Variants in STXBP6 observed in about 807,000 individuals in gnomAD.
The protein encoded by STXBP6 is syntaxin binding protein 6, also known as syntaxin-binding protein 6.
STXBP6 carries 21 observed loss-of-function variants against 26.9 expected under a neutral mutation model. That is an observed-to-expected ratio of 0.78 (90% confidence interval 0.55 to 1.12). The LOEUF (loss-of-function observed/expected upper bound fraction) is 1.12, where lower values mean the gene tolerates loss of function less well. STXBP6 is among the 50% of genes most tolerant of loss of function. STXBP6 has a pLI of 0.00. For synonymous variants in STXBP6, 97 were observed against 92.6 expected (o/e 1.05, Z -0.27); for missense variants, 232 against 257.9 (o/e 0.90, Z 0.69).
chr14:24,909,358 A>T (rs1033284937), intron 2 of STXBP6, among the ~76,000 whole-genome samples: 1 of 152,188 alleles, frequency 6.6e-6, no homozygotes, highest in Non-Finnish European at 1.5e-5. Context: ...TCTCACAACA[A>T]CCTAGATATT....
At chr14:24,841,107 T>C (rs929614719) in intron 4 of STXBP6, among the ~76,000 whole-genome samples, 2 of 152,222 alleles carry the variant, frequency 1.3e-5, no homozygotes, top group African/African-American at 4.8e-5. Context: ...GTGCTTCATG[T>C]TGAAGCACAT....
intron 5 of STXBP6, among the ~76,000 whole-genome samples, chr14:24,814,163 C>T (rs2067902923): frequency 1.3e-5 from 2 of 152,216 alleles, no homozygotes; most frequent in Admixed American, 1.3e-4. Context: ...GGGTTCTTGC[C>T]AAGAAGGGTA....
intron 2 of STXBP6, among the ~76,000 whole-genome samples, chr14:24,900,445 A>G (rs1036823931): frequency 6.6e-6 from 1 of 152,234 alleles, no homozygotes. Flanking sequence ...ACAGCAAGAA[A>G]GAAGCTCTGC....
intron 1 of STXBP6, among the ~76,000 whole-genome samples, chr14:24,984,382 C>T (rs1389087152): frequency 6.6e-6 from 1 of 152,190 alleles, no homozygotes; most frequent in Admixed American, 6.5e-5. Flanking sequence ...CAGTGTTATA[C>T]TCCAACATGA....
At chr14:24,953,153 C>G (rs768683424) in intron 2 of STXBP6, among the ~76,000 whole-genome samples, 2 of 152,144 alleles carry the variant, frequency 1.3e-5, no homozygotes, top group Non-Finnish European at 2.9e-5. Context: ...ATGGCGACAT[C>G]ACCCCAATCT....
At chr14:25,014,257 G>A (rs1013453932) in intron 1 of STXBP6, among the ~76,000 whole-genome samples, 5 of 152,144 alleles carry the variant, frequency 3.3e-5, no homozygotes, top group African/African-American at 1.2e-4. Context: ...CACTTTGAGA[G>A]GCCGAGGCAG....
At chr14:24,874,408 AAG>A (rs944875058) in intron 2 of STXBP6, among the ~76,000 whole-genome samples, 7 of 152,070 alleles carry the variant, frequency 4.6e-5, no homozygotes, top group African/African-American at 1.7e-4. Context: ...GTATGTTCAG[AAG>A]AGTGTGGAAA....
chr14:25,009,812 G>T (rs575343149), intron 1 of STXBP6, among the ~76,000 whole-genome samples: 3 of 152,246 alleles, frequency 2.0e-5, no homozygotes, highest in East Asian at 3.9e-4. Flanking sequence ...TCAGCAATAT[G>T]ACTGCCACTG....
At chr14:24,871,727 A>G (rs2069943187) in intron 2 of STXBP6, among the ~76,000 whole-genome samples, 1 of 152,216 alleles carries the variant, frequency 6.6e-6, no homozygotes, top group African/African-American at 2.4e-5. Context: ...ATAAGAATGG[A>G]GCACATTTTC....
intron 2 of STXBP6, among the ~76,000 whole-genome samples, chr14:24,964,681 G>GTA (rs1555334132): frequency 9.3e-5 from 14 of 150,584 alleles, no homozygotes; most frequent in African/African-American, 3.5e-4. Flanking sequence ...GTGTGTGTGT[G>GTA]TATGTAAAGG....
At chr14:24,841,640 A>C (rs2068787538) in intron 4 of STXBP6, among the ~76,000 whole-genome samples, 1 of 152,138 alleles carries the variant, frequency 6.6e-6, no homozygotes, top group South Asian at 2.1e-4. Flanking sequence ...ATTTCTCATT[A>C]ATACCTTATA....
chr14:24,855,482 C>T (rs1018566637), intron 4 of STXBP6, among the ~76,000 whole-genome samples: 1 of 152,036 alleles, frequency 6.6e-6, no homozygotes, highest in African/African-American at 2.4e-5. Context: ...AAGGAATAAA[C>T]ACGAGTTGCT....
intron 2 of STXBP6, among the ~76,000 whole-genome samples, chr14:24,902,539 C>T (rs146438600): frequency 4.6e-5 from 7 of 152,268 alleles, no homozygotes; most frequent in South Asian, 2.1e-4. Flanking sequence ...ACCACCTCAT[C>T]ACCTTTTGGG....
chr14:24,915,046 G>A (rs1394734429), intron 2 of STXBP6, among the ~76,000 whole-genome samples: 1 of 152,054 alleles, frequency 6.6e-6, no homozygotes, highest in African/African-American at 2.4e-5. Flanking sequence ...AGAAGAGAGA[G>A]GAATCACAGA....
chr14:24,830,964 TTG>T (rs2068439970), intron 4 of STXBP6, among the ~76,000 whole-genome samples: 1 of 151,934 alleles, frequency 6.6e-6, no homozygotes, highest in Non-Finnish European at 1.5e-5. Flanking sequence ...TGGAAAAAAA[TTG>T]TCTTTTCAAC....
chr14:24,938,624 G>A (rs2139968828), intron 2 of STXBP6, among the ~76,000 whole-genome samples: 1 of 149,076 alleles, frequency 6.7e-6, no homozygotes, highest in Admixed American at 6.7e-5. Flanking sequence ...ACAAAACAAA[G>A]TTAGTCCATT....
chr14:24,819,191 T>C lies in STXBP6; in HGVS notation c.455A>G (p.Asn152Ser). The C allele has an allele frequency of 1.9e-6, 3 of 1,614,068 alleles. No homozygotes were observed. Among genetic ancestry groups the C allele is most frequent in the Non-Finnish European group, 2.5e-6 (3 of 1,180,006 alleles). Residue 152 changes from asparagine to serine, a missense_variant, in exon 5 of 6, where the codon AAC becomes AGC. Transcript: ENST00000323944. ...GTCAGCAGCTGAATGGAGGATGCTG[T>C]TTCCTGAAAGGAGGAGAGCAGGAGC... ...INCQSKIMGG[N>S]SILHSAADSV...
chr14:24,837,999 G>A (rs1194011616), intron 4 of STXBP6, among the ~76,000 whole-genome samples: 1 of 152,178 alleles, frequency 6.6e-6, no homozygotes, highest in Non-Finnish European at 1.5e-5. Context: ...TCTAGATTCA[G>A]TTTCCCAACT....
At chr14:24,833,698 C>T (rs2068525581) in intron 4 of STXBP6, among the ~76,000 whole-genome samples, 1 of 152,102 alleles carries the variant, frequency 6.6e-6, no homozygotes, top group South Asian at 2.1e-4. Context: ...AGTTATGCAG[C>T]ATTTTTTTTA....
Sources: allele counts gnomAD v4.1 joint callset (sites outside exome capture counted in the v4.1 genomes callset), GRCh38; gene constraint gnomAD v4.1.1; transcripts MANE v1.5; gene names NCBI Gene and HGNC (gene_info 2026-07-23, HGNC 2026-07-21).